ITIH5: variants seen among roughly 807,000 people sequenced by gnomAD.
The protein encoded by ITIH5 is inter-alpha-trypsin inhibitor heavy chain 5.
Under a neutral mutation model 77.5 loss-of-function variants are expected in ITIH5, and 65 were observed. That is an observed-to-expected ratio of 0.84 (90% confidence interval 0.69 to 1.03). The LOEUF (loss-of-function observed/expected upper bound fraction) is 1.03. Ranked by LOEUF, ITIH5 falls within the 50% of genes least tolerant of loss-of-function variation. ITIH5 has a pLI of 0.00. For missense variants in ITIH5, 1,208 were observed against 1,213.1 expected, an observed-to-expected ratio of 1.00 and a Z score of 0.06; for synonymous variants, 525 against 494.3, an observed-to-expected ratio of 1.06 and a Z score of -0.82.
chr10:7,565,180 CTA>C (rs569865196), intron 13 of ITIH5, among the ~76,000 whole-genome samples: 2,152 of 61,362 alleles, frequency 0.035, 45 homozygotes, highest in African/African-American at 0.069. Context: ...CATACACAGG[CTA>C]TATATATATA....
intron 6 of ITIH5, among the ~76,000 whole-genome samples, chr10:7,616,782 C>A (rs988948223): frequency 5.9e-5 from 9 of 151,992 alleles, no homozygotes; most frequent in Non-Finnish European, 1.2e-4. Context: ...GAGCCGAGAT[C>A]GGCCACTGCA....
intron 5 of ITIH5, among the ~76,000 whole-genome samples, chr10:7,625,274 T>C (rs1024575908): frequency 6.6e-6 from 1 of 152,166 alleles, no homozygotes; most frequent in Admixed American, 6.5e-5. Flanking sequence ...TGTATAAGTC[T>C]ACTTACATGA....
chr10:7,643,418 C>T (rs1319456523), intron 2 of ITIH5, among the ~76,000 whole-genome samples: 1 of 152,156 alleles, frequency 6.6e-6, no homozygotes, highest in Non-Finnish European at 1.5e-5. Flanking sequence ...AGTGAGGGCA[C>T]ATATTGGTCC....
intron 7 of ITIH5, among the ~76,000 whole-genome samples, chr10:7,605,335 G>A (rs1395414905): frequency 6.6e-6 from 1 of 151,384 alleles, no homozygotes; most frequent in South Asian, 2.1e-4. Flanking sequence ...GCCCTCCTCT[G>A]AGAATCATTC....
intron 5 of ITIH5, among the ~76,000 whole-genome samples, chr10:7,629,440 C>T (rs965233905): frequency 4.0e-5 from 6 of 150,594 alleles, no homozygotes; most frequent in Non-Finnish European, 7.4e-5. Flanking sequence ...CGTGTTGTGG[C>T]ATGCATCCAT....
chr10:7,656,152 A>G (rs1834177775), intron 1 of ITIH5, among the ~76,000 whole-genome samples: 1 of 152,172 alleles, frequency 6.6e-6, no homozygotes, highest in African/African-American at 2.4e-5. Flanking sequence ...AATTTTCTTC[A>G]TGGTGTCTTT....
At chr10:7,566,713 T>G (rs1478697141) in intron 12 of ITIH5, among the ~76,000 whole-genome samples, 1 of 76,024 alleles carries the variant, frequency 1.3e-5, no homozygotes, top group African/African-American at 5.7e-5. Flanking sequence ...CAGAGTGAGA[T>G]CCTATCTCAT....
intron 1 of ITIH5, among the ~76,000 whole-genome samples, chr10:7,656,967 C>G (rs1834195659): frequency 6.6e-6 from 1 of 150,996 alleles, no homozygotes; most frequent in South Asian, 2.1e-4. Context: ...TGGTCTCGAA[C>G]TCCTGACCTC....
chr10:7,610,653 T>C (rs931082279), intron 7 of ITIH5, among the ~76,000 whole-genome samples: 4 of 152,224 alleles, frequency 2.6e-5, no homozygotes, highest in Admixed American at 2.6e-4. Flanking sequence ...TCTTCACCAA[T>C]AGACATAACA....
chr10:7,590,029 CGTCATCT>C (rs1832761162), intron 7 of ITIH5, among the ~76,000 whole-genome samples: 1 of 136,336 alleles, frequency 7.3e-6, no homozygotes, highest in Non-Finnish European at 1.6e-5. Flanking sequence ...CAACTACCAT[CGTCATCT>C]GTGAACTTCC....
At position 7,562,907 on chromosome 10, in the gene ITIH5, C is replaced by A; in HGVS notation, c.*176G>T. On this transcript the variant is annotated 3_prime_UTR_variant, in exon 14 of 14. Transcript: ENST00000397146. ...ACATTTGCACTCAGGCTTCCCGCCCCTACCCACCCCTACCCTTCGCCCAGA... is the reference window on the plus strand; with the variant it reads ...ACATTTGCACTCAGGCTTCCCGCCCATACCCACCCCTACCCTTCGCCCAGA... The A allele has an allele frequency of 9.5e-6, 5 of 523,814 alleles. No homozygotes were observed. The highest frequency in any genetic ancestry group is 3.8e-5 in the East Asian group (1 of 26,598). The allele number at this position is 523,814 out of a possible 1,614,324, so 32.4% of individuals were successfully genotyped here.
rs541467114 is a variant in ITIH5, at chr10:7,624,621, C to T, written c.653-7339G>A. Among the ~76,000 whole-genome samples the T allele has an allele frequency of 8.0e-5, 12 of 150,894 alleles. No individual in the cohort carries two copies. The East Asian group carries it at 2.2e-3, about 27-fold the overall frequency. The stretch of plus-strand genomic sequence containing the variant: ...TCACCTGGGGCCAGGAGTTCCAGAC[C>T]AGCCTAGCTAACATGGTGAAACCCT... On this transcript the variant is annotated intron_variant, in intron 5 of 13. Coordinates refer to ENST00000397146, the MANE Select transcript of ITIH5 (RefSeq NM_030569.7).
intron 1 of ITIH5, among the ~76,000 whole-genome samples, chr10:7,666,571 C>A (rs2131125154): frequency 1.3e-5 from 2 of 152,314 alleles, no homozygotes; most frequent in Middle Eastern, 3.4e-3. Context: ...AAGAAAAACT[C>A]GGCTCCGCAG....
At chr10:7,650,639 G>C (rs927356269) in intron 2 of ITIH5, among the ~76,000 whole-genome samples, 5 of 152,082 alleles carry the variant, frequency 3.3e-5, no homozygotes, top group African/African-American at 1.2e-4. Context: ...AGGAGGCTAA[G>C]GCAGGAGAAT....
At chr10:7,591,717 G>A (rs1405330552) in intron 7 of ITIH5, among the ~76,000 whole-genome samples, 1 of 151,976 alleles carries the variant, frequency 6.6e-6, no homozygotes, top group Non-Finnish European at 1.5e-5. Context: ...CTGCCTCCCA[G>A]CCCTGCCCAC....
rs1455465759 is a variant in ITIH5, at chr10:7,628,816, T to C, written c.652+8412A>G. 1.1e-4 allele frequency among the ~76,000 whole-genome samples: 16 copies of C among 144,864 alleles called. 4 individuals carry two copies. Among genetic ancestry groups the C allele is most frequent in the Non-Finnish European group, 2.5e-4 (16 of 63,386 alleles). ...ATATGTATCTGTGTTTTTGCATGTG[T>C]CCATGTTGTAGCGTGTGTCCCTGTT... On this transcript the variant is annotated intron_variant, in intron 5 of 13. Transcript: ENST00000397146.
At chr10:7,644,561 T>TAC (rs2131087516) in intron 2 of ITIH5, among the ~76,000 whole-genome samples, 1 of 139,414 alleles carries the variant, frequency 7.2e-6, no homozygotes, top group South Asian at 2.2e-4. Flanking sequence ...ATATCACATA[T>TAC]ATATGATATA....
intron 7 of ITIH5, among the ~76,000 whole-genome samples, chr10:7,595,836 A>T (rs748942939): frequency 6.6e-6 from 1 of 152,024 alleles, no homozygotes; most frequent in Non-Finnish European, 1.5e-5. Flanking sequence ...GTGAAACCCC[A>T]TCTCTACTAA....
chr10:7,564,286 A>G (rs147274136), intron 13 of ITIH5, among the ~76,000 whole-genome samples: 5 of 152,368 alleles, frequency 3.3e-5, no homozygotes, highest in South Asian at 2.1e-4. Flanking sequence ...TTCATATTAC[A>G]TATGTAGTAA....
Sources: allele counts gnomAD v4.1 joint callset (sites outside exome capture counted in the v4.1 genomes callset), GRCh38; gene constraint gnomAD v4.1.1; transcripts MANE v1.5; gene names NCBI Gene and HGNC (gene_info 2026-07-23, HGNC 2026-07-21).